ASIC2: variants seen among roughly 807,000 people sequenced by gnomAD.
The protein encoded by ASIC2 is acid sensing ion channel subunit 2.
ASIC2 carries 25 observed loss-of-function variants against 57.3 expected under a neutral mutation model. The ratio of observed to expected loss-of-function variants is 0.44; its 90% CI spans 0.32 to 0.61. The LOEUF (loss-of-function observed/expected upper bound fraction) is 0.61, where lower values mean the gene tolerates loss of function less well. ASIC2 is among the 20% of genes least tolerant of loss of function. The pLI, the probability that ASIC2 is intolerant of heterozygous loss-of-function variation, is 0.06. For synonymous variants in ASIC2, 319 were observed against 307.5 expected, an observed-to-expected ratio of 1.04 and a Z score of -0.39; for missense variants, 641 against 738.1, an observed-to-expected ratio of 0.87 and a Z score of 1.52.
At chr17:33,781,018 A>C (rs1911435989) in intron 1 of ASIC2, among the ~76,000 whole-genome samples, 1 of 152,180 alleles carries the variant, frequency 6.6e-6, no homozygotes, top group Admixed American at 6.5e-5. Flanking sequence ...GATCGGGGGT[A>C]ATGAGCATGC....
intron 1 of ASIC2, among the ~76,000 whole-genome samples, chr17:33,712,447 C>T (rs571824337): frequency 1.3e-5 from 2 of 152,236 alleles, no homozygotes; most frequent in African/African-American, 4.8e-5. Context: ...CCCCCCAAAA[C>T]TTGATGGCTT....
At chr17:33,184,047 C>G (rs535983914) in intron 1 of ASIC2, among the ~76,000 whole-genome samples, 21 of 152,276 alleles carry the variant, frequency 1.4e-4, no homozygotes, top group African/African-American at 5.1e-4. Flanking sequence ...ATTATAGCAA[C>G]TGGTACATTA....
At chr17:33,626,862 C>T (rs1217383002) in intron 1 of ASIC2, among the ~76,000 whole-genome samples, 1 of 152,116 alleles carries the variant, frequency 6.6e-6, no homozygotes, top group Non-Finnish European at 1.5e-5. Flanking sequence ...CTTCCTCTGC[C>T]CTATGAACAC....
chr17:33,548,686 G>C (rs1245225707), intron 1 of ASIC2, among the ~76,000 whole-genome samples: 1 of 152,052 alleles, frequency 6.6e-6, no homozygotes, highest in East Asian at 1.9e-4. Context: ...CCTACTATCT[G>C]GTCAGTTATG....
chr17:33,683,756 T>C (rs1159254753), intron 1 of ASIC2, among the ~76,000 whole-genome samples: 1 of 152,168 alleles, frequency 6.6e-6, no homozygotes, highest in Non-Finnish European at 1.5e-5. Context: ...TTGCCCAGGC[T>C]GGTCTCAAAC....
intron 1 of ASIC2, among the ~76,000 whole-genome samples, chr17:33,656,638 G>A (rs1053398978): frequency 6.6e-6 from 1 of 152,124 alleles, no homozygotes; most frequent in Non-Finnish European, 1.5e-5. Flanking sequence ...TCTCATTTTA[G>A]AGGTCTTTTC....
chr17:33,660,800 T>C (rs1220265635), intron 1 of ASIC2, among the ~76,000 whole-genome samples: 2 of 152,208 alleles, frequency 1.3e-5, no homozygotes, highest in Non-Finnish European at 2.9e-5. Flanking sequence ...CGGTCCATCA[T>C]GGACTGAAAC....
At chr17:33,333,628 GA>G (rs546381503) in intron 1 of ASIC2, among the ~76,000 whole-genome samples, 1 of 152,030 alleles carries the variant, frequency 6.6e-6, no homozygotes, top group African/African-American at 2.4e-5. Context: ...TGTGTTTTTT[GA>G]AATACAGTGA....
chr17:33,374,441 C>A (rs1463961570), intron 1 of ASIC2, among the ~76,000 whole-genome samples: 1 of 152,168 alleles, frequency 6.6e-6, no homozygotes, highest in Admixed American at 6.5e-5. Context: ...CCTATGATTT[C>A]ATCCACAACC....
At chr17:33,804,828 A>G (rs1380490096) in intron 1 of ASIC2, among the ~76,000 whole-genome samples, 1 of 151,926 alleles carries the variant, frequency 6.6e-6, no homozygotes, top group Non-Finnish European at 1.5e-5. Context: ...ATTAAATAAC[A>G]TTCACTTAGC....
chr17:33,825,021 C>T (rs1034329970), intron 1 of ASIC2, among the ~76,000 whole-genome samples: 1 of 152,170 alleles, frequency 6.6e-6, no homozygotes, highest in Non-Finnish European at 1.5e-5. Context: ...TCTCTCTCCC[C>T]GTCTCGCTCT....
chr17:33,637,112 A>C (rs1267453817), intron 1 of ASIC2, among the ~76,000 whole-genome samples: 3 of 151,866 alleles, frequency 2.0e-5, no homozygotes, highest in Admixed American at 6.6e-5. Flanking sequence ...CCTTAGAAAA[A>C]AAGCTAAGAT....
At chr17:34,155,505 T>A (rs1393555039) in intron 1 of ASIC2, 4 of 167,174 alleles carry the variant, frequency 2.4e-5, no homozygotes. Context: ...CCCCCTTCTC[T>A]GACGGCTTTA....
chr17:33,280,165 T>C (rs1170202984), intron 1 of ASIC2, among the ~76,000 whole-genome samples: 1 of 152,148 alleles, frequency 6.6e-6, no homozygotes, highest in Non-Finnish European at 1.5e-5. Context: ...ACATTGCTCT[T>C]GCTGTTCCAA....
chr17:33,103,216 G>A (rs748214218), intron 2 of ASIC2, among the ~76,000 whole-genome samples: 6 of 152,044 alleles, frequency 3.9e-5, no homozygotes, highest in Non-Finnish European at 7.4e-5. Context: ...GTTTTCTCCT[G>A]CTTCCTTCAT....
At chr17:33,412,810 T>C (rs1471597587) in intron 1 of ASIC2, among the ~76,000 whole-genome samples, 1 of 152,074 alleles carries the variant, frequency 6.6e-6, no homozygotes, top group Non-Finnish European at 1.5e-5. Flanking sequence ...ATAAAAGGAA[T>C]TGTGAATTTG....
At chr17:33,920,721 T>C (rs1222637327) in intron 1 of ASIC2, among the ~76,000 whole-genome samples, 1 of 152,122 alleles carries the variant, frequency 6.6e-6, no homozygotes, top group Non-Finnish European at 1.5e-5. Flanking sequence ...AAAGTTGAAA[T>C]TATATATTTT....
intron 3 of ASIC2, among the ~76,000 whole-genome samples, chr17:33,072,568 C>T (rs1009005917): frequency 6.6e-6 from 1 of 152,256 alleles, no homozygotes; most frequent in African/African-American, 2.4e-5. Context: ...ATAGCTGCTT[C>T]ACAACTGAAG....
At chr17:33,424,962 T>C (rs7210355) in intron 1 of ASIC2, among the ~76,000 whole-genome samples, 55,912 of 152,144 alleles carry the variant, frequency 0.37, 10,374 homozygotes, top group Non-Finnish European at 0.39. Flanking sequence ...CAGAGATTTT[T>C]CACTAAATGA....
Sources: gnomAD v4.1 joint callset for allele counts (sites outside exome capture counted in the v4.1 genomes callset) on GRCh38, gnomAD v4.1.1 for gene constraint, MANE v1.5 for transcripts, NCBI Gene and HGNC (gene_info 2026-07-23, HGNC 2026-07-21) for gene names.